DPYD: variants seen among roughly 807,000 people sequenced by gnomAD.
DPYD encodes the protein dihydropyrimidine dehydrogenase [NADP(+)].
A neutral mutation model predicts 116.2 loss-of-function variants in DPYD; 109 were observed. The observed-to-expected ratio is 0.94, with a 90% CI of 0.80 to 1.10. The LOEUF (loss-of-function observed/expected upper bound fraction) is 1.10, where lower values mean the gene tolerates loss of function less well. DPYD is among the 50% of genes least tolerant of loss of function. DPYD has a pLI of 0.00. For synonymous variants in DPYD, 440 were observed against 432.0 expected (o/e 1.02, Z -0.23); for missense variants, 1,302 against 1,254.5 (o/e 1.04, Z -0.57).
chr1:97,637,936 G>A (rs760089597), intron 8 of DPYD, among the ~76,000 whole-genome samples: 2 of 152,010 alleles, frequency 1.3e-5, no homozygotes, highest in Non-Finnish European at 2.9e-5. Flanking sequence ...TGAAGGGTGC[G>A]CTAAATGCAA....
chr1:97,669,651 A>G (rs866093626), intron 8 of DPYD, among the ~76,000 whole-genome samples: 95 of 152,224 alleles, frequency 6.2e-4, no homozygotes, highest in African/African-American at 1.8e-3. Context: ...TTTAAATGAC[A>G]GAGAAAGAGA....
At chr1:97,617,804 A>C (rs1656382784) in intron 8 of DPYD, among the ~76,000 whole-genome samples, 1 of 152,224 alleles carries the variant, frequency 6.6e-6, no homozygotes, top group African/African-American at 2.4e-5. Flanking sequence ...CCTCTGAGTC[A>C]GAGATGGATG....
At chr1:97,394,598 T>C (rs573392519) in intron 14 of DPYD, among the ~76,000 whole-genome samples, 1 of 152,180 alleles carries the variant, frequency 6.6e-6, no homozygotes, top group African/African-American at 2.4e-5. Flanking sequence ...AAGTTTGAAA[T>C]ATTGCAAGAA....
At position 97,641,458 on chromosome 1, in the gene DPYD, C is replaced by T. The variant is rs372820785; in HGVS notation, c.850+37637G>A. ...TATTTTCCAGTTCCGCTTTCATTTC[C>T]TACATAATCCATCACATAAACAGAA... is the stretch of plus-strand genomic sequence containing the variant. On this transcript the variant is annotated intron_variant, in intron 8 of 22. Coordinates refer to ENST00000370192, the MANE Select transcript of DPYD (RefSeq NM_000110.4). Among the ~76,000 whole-genome samples the T allele has an allele frequency of 2.1e-4, 32 of 151,942 alleles. 1 individual carries two copies. In the East Asian group the frequency reaches 2.5e-3, roughly 12 times the overall value.
chr1:97,186,300 A>T lies in DPYD; in HGVS notation c.2622+6769T>A, dbSNP rs544526855. On this transcript the variant is annotated intron_variant, in intron 20 of 22. Transcript: ENST00000370192. ...CAGTTTTGTTACATGGATATATTGCATAGTGGTGAAGTTTGAGCTTTTAGT... is the reference window on the plus strand; with the variant it reads ...CAGTTTTGTTACATGGATATATTGCTTAGTGGTGAAGTTTGAGCTTTTAGT... 2.6e-5 allele frequency among the ~76,000 whole-genome samples: 4 copies of T among 152,266 alleles called. No homozygotes were observed. The South Asian group carries it at 8.3e-4, about 32-fold the overall frequency.
chr1:97,230,308 A>G (rs1336777066), intron 19 of DPYD, among the ~76,000 whole-genome samples: 2 of 152,228 alleles, frequency 1.3e-5, no homozygotes, highest in South Asian at 2.1e-4. Context: ...CAGCCATAAA[A>G]AGGAATGAGA....
chr1:97,768,310 G>A (rs1381346261), intron 3 of DPYD, among the ~76,000 whole-genome samples: 1 of 152,028 alleles, frequency 6.6e-6, no homozygotes, highest in Non-Finnish European at 1.5e-5. Flanking sequence ...CTTATAATGA[G>A]GCCATAGACA....
intron 3 of DPYD, among the ~76,000 whole-genome samples, chr1:97,820,009 AT>A (rs1175196953): frequency 3.3e-5 from 5 of 152,268 alleles, no homozygotes; most frequent in Non-Finnish European, 5.9e-5. Context: ...CCATATTATT[AT>A]CTTTAAATCT....
intron 18 of DPYD, among the ~76,000 whole-genome samples, chr1:97,264,268 TC>T (rs1046424168): frequency 4.1e-5 from 6 of 145,376 alleles, no homozygotes; most frequent in Admixed American, 1.5e-4. Flanking sequence ...GCTCAAGCGA[TC>T]TTCCTGCCTC....
chr1:97,760,622 C>T (rs964099649), intron 3 of DPYD, among the ~76,000 whole-genome samples: 1 of 152,052 alleles, frequency 6.6e-6, no homozygotes, highest in Non-Finnish European at 1.5e-5. Flanking sequence ...CAGCTGATTT[C>T]AGTATCACTG....
chr1:97,711,856 G>A (rs1662304163), intron 5 of DPYD, among the ~76,000 whole-genome samples: 1 of 151,376 alleles, frequency 6.6e-6, no homozygotes, highest in Non-Finnish European at 1.5e-5. Context: ...ATTACTCTGG[G>A]ATCAATATTT....
chr1:97,152,514 T>TTATA (rs1655104547), intron 20 of DPYD, among the ~76,000 whole-genome samples: 1 of 151,538 alleles, frequency 6.6e-6, no homozygotes, highest in Non-Finnish European at 1.5e-5. Flanking sequence ...CATGCAGATA[T>TTATA]AGTTAATATC....
intron 8 of DPYD, among the ~76,000 whole-genome samples, chr1:97,602,238 TA>T (rs1423220477): frequency 3.9e-5 from 6 of 151,998 alleles, no homozygotes; most frequent in Admixed American, 1.3e-4. Context: ...GAAAAGAGAA[TA>T]AAATAATCAA....
At chr1:97,257,019 T>A (rs1394962819) in intron 18 of DPYD, among the ~76,000 whole-genome samples, 1 of 151,812 alleles carries the variant, frequency 6.6e-6, no homozygotes, top group Non-Finnish European at 1.5e-5. Context: ...AGCCAAAAAT[T>A]GGTAAAAAGA....
chr1:97,173,317 C>CAT lies in DPYD; in HGVS notation c.2622+19750_2622+19751dup, dbSNP rs1369917634. Among the ~76,000 whole-genome samples the CAT allele has an allele frequency of 3.5e-5, 5 of 142,778 alleles. 1 individual carries two copies. Among genetic ancestry groups the CAT allele is most frequent in the Non-Finnish European group, 5.9e-5 (4 of 67,254 alleles). 93.7% of individuals were successfully genotyped at this position (142,778 alleles called of 152,430 possible). A position where few individuals can be genotyped will look rare whatever the true frequency, so the allele number is the denominator to read the frequency against. On this transcript the variant is annotated intron_variant, in intron 20 of 22. Coordinates refer to ENST00000370192, the MANE Select transcript of DPYD (RefSeq NM_000110.4). The stretch of plus-strand genomic sequence containing the variant: ...ACACATATGTACATATATATGCACA[C>CAT]ATATATACACATATATGTGTATATA...
chr1:97,865,498 T>A (rs1341327097), intron 2 of DPYD, among the ~76,000 whole-genome samples: 7 of 151,968 alleles, frequency 4.6e-5, no homozygotes, highest in Non-Finnish European at 1.0e-4. Flanking sequence ...TCCATCTACA[T>A]TTTCTTATTG....
chr1:97,256,042 A>G (rs1018000103), intron 18 of DPYD, among the ~76,000 whole-genome samples: 2 of 152,140 alleles, frequency 1.3e-5, no homozygotes, highest in Non-Finnish European at 2.9e-5. Context: ...CTGATGACTG[A>G]TGATAGTTGA....
chr1:97,102,772 A>C (rs536730502), intron 20 of DPYD, among the ~76,000 whole-genome samples: 3 of 151,980 alleles, frequency 2.0e-5, no homozygotes, highest in Non-Finnish European at 4.4e-5. Context: ...TTAATTTTGT[A>C]AGTATCTTTT....
chr1:97,907,466 A>C (rs1673695128), intron 1 of DPYD, among the ~76,000 whole-genome samples: 1 of 152,104 alleles, frequency 6.6e-6, no homozygotes, highest in African/African-American at 2.4e-5. Flanking sequence ...CACGATCTCG[A>C]TTTTATAGAT....
Sources: allele counts gnomAD v4.1 joint callset (sites outside exome capture counted in the v4.1 genomes callset), GRCh38; gene constraint gnomAD v4.1.1; transcripts MANE v1.5; gene names NCBI Gene and HGNC (gene_info 2026-07-23, HGNC 2026-07-21).